Variants in SEMA5A observed in about 807,000 individuals in gnomAD.
SEMA5A encodes the protein semaphorin 5A.
SEMA5A carries 55 observed loss-of-function variants against 135.5 expected under a neutral mutation model. That is an observed-to-expected ratio of 0.41 (90% confidence interval 0.33 to 0.51). SEMA5A has a LOEUF of 0.51. Ranked by LOEUF, SEMA5A falls within the 20% of genes least tolerant of loss-of-function variation. The probability of loss-of-function intolerance (pLI) is 0.37; values close to 1 mark genes in which losing one functional copy is unlikely to be tolerated. For missense variants in SEMA5A, 1,290 were observed against 1,419.9 expected (o/e 0.91, Z 1.47); for synonymous variants, 580 against 546.5 (o/e 1.06, Z -0.85).
intron 8 of SEMA5A, among the ~76,000 whole-genome samples, chr5:9,221,886 GGTAGTT>G (rs1161677557): frequency 2.0e-5 from 3 of 152,100 alleles, no homozygotes; most frequent in African/African-American, 7.2e-5. Flanking sequence ...CTGGAGTGGG[GGTAGTT>G]GCAAGGGGAG....
intron 11 of SEMA5A, among the ~76,000 whole-genome samples, chr5:9,169,723 A>G (rs1035524150): frequency 3.9e-5 from 6 of 152,138 alleles, no homozygotes; most frequent in African/African-American, 1.4e-4. Context: ...CTATTCCTTC[A>G]GCTGCTTCAT....
intron 2 of SEMA5A, among the ~76,000 whole-genome samples, chr5:9,434,964 C>T (rs1757978903): frequency 1.3e-5 from 2 of 152,096 alleles, no homozygotes; most frequent in South Asian, 4.1e-4. Flanking sequence ...TTTCTTTGCC[C>T]ATCTTTGTAA....
chr5:9,296,676 G>A (rs1209712037), intron 5 of SEMA5A, among the ~76,000 whole-genome samples: 1 of 151,886 alleles, frequency 6.6e-6, no homozygotes, highest in African/African-American at 2.4e-5. Context: ...AGAAAGTCTT[G>A]GACCAAATAT....
chr5:9,113,630 A>G (rs979063106), intron 15 of SEMA5A, among the ~76,000 whole-genome samples: 1 of 152,246 alleles, frequency 6.6e-6, no homozygotes, highest in Non-Finnish European at 1.5e-5. Flanking sequence ...AATTAGAAAA[A>G]CAGGCAAAAT....
At chr5:9,480,134 A>G (rs2126776115) in intron 1 of SEMA5A, among the ~76,000 whole-genome samples, 2 of 152,308 alleles carry the variant, frequency 1.3e-5, no homozygotes, top group African/African-American at 4.8e-5. Flanking sequence ...CGACACGAAT[A>G]GCACACACAC....
chr5:9,419,521 C>T (rs555188575), intron 2 of SEMA5A, among the ~76,000 whole-genome samples: 3 of 152,230 alleles, frequency 2.0e-5, no homozygotes, highest in South Asian at 4.1e-4. Context: ...GATGAGGCAA[C>T]GATGGTCGAG....
At chr5:9,238,304 A>T (rs1335797857) in intron 5 of SEMA5A, among the ~76,000 whole-genome samples, 1 of 152,184 alleles carries the variant, frequency 6.6e-6, no homozygotes, top group Non-Finnish European at 1.5e-5. Context: ...ATTTTATTCA[A>T]ATAATATGTC....
intron 6 of SEMA5A, among the ~76,000 whole-genome samples, chr5:9,229,155 C>G (rs1352666906): frequency 6.6e-6 from 1 of 152,170 alleles, no homozygotes; most frequent in Non-Finnish European, 1.5e-5. Context: ...TTATTCCTAA[C>G]AGTAATAGTA....
intron 5 of SEMA5A, among the ~76,000 whole-genome samples, chr5:9,302,748 G>C (rs1323647857): frequency 6.6e-6 from 1 of 152,166 alleles, no homozygotes; most frequent in Non-Finnish European, 1.5e-5. Context: ...GAACTCTGCT[G>C]ACGGTGAGAA....
chr5:9,202,051 G>C lies in SEMA5A; in HGVS notation c.836C>G (p.Ser279Cys), dbSNP rs1453974287. Residue 279 changes from serine (S) to cysteine (C), a missense_variant, in exon 9 of 23, where the codon TCC becomes TGC. Ser to Cys is a moderately radical substitution (Grantham distance 112). Around this residue, in one of 3 missense-constraint regions of SEMA5A, gnomAD observed 1,029 missense variants for 1,086.6 expected, o/e 0.95. Transcript: ENST00000382496. ...GTAAAAGGGGACTTCCCCAGGACGG[G>C]AGCAGTTCAGGCGAGCCTTCATGAA... Reference protein sequence around the residue: ...TTFMKARLNCSRPGEVPFYYN... With the variant: ...TTFMKARLNCCRPGEVPFYYN... The C allele has an allele frequency of 1.2e-6, 2 of 1,614,214 alleles. No individual in the cohort carries two copies. Among genetic ancestry groups the C allele is most frequent in the Middle Eastern group, 1.6e-4 (1 of 6,062 alleles).
intron 1 of SEMA5A, among the ~76,000 whole-genome samples, chr5:9,442,826 T>G (rs1449419232): frequency 6.6e-6 from 1 of 152,186 alleles, no homozygotes; most frequent in Non-Finnish European, 1.5e-5. Flanking sequence ...AACATCAGTC[T>G]AAAAACTCAG....
Sources: allele counts gnomAD v4.1 joint callset (sites outside exome capture counted in the v4.1 genomes callset), GRCh38; gene constraint gnomAD v4.1.1; regional missense constraint gnomAD v4.1.1; transcripts MANE v1.5; gene names NCBI Gene and HGNC (gene_info 2026-07-23, HGNC 2026-07-21).